The following DTNB variants were observed in gnomAD, a reference collection of about 807,000 sequenced individuals.
The protein encoded by DTNB is dystrobrevin beta, also known as DTN-B.
A neutral mutation model predicts 90.7 loss-of-function variants in DTNB; 63 were observed. That is an observed-to-expected ratio of 0.69 (90% CI 0.57 to 0.86). The LOEUF is 0.86. DTNB is among the 40% of genes least tolerant of loss of function. The pLI, the probability that DTNB is intolerant of heterozygous loss-of-function variation, is 0.00. For missense variants in DTNB, 744 were observed against 807.1 expected (o/e 0.92, Z 0.95); for synonymous variants, 277 against 286.7 (o/e 0.97, Z 0.34).
intron 16 of DTNB, among the ~76,000 whole-genome samples, chr2:25,418,637 T>C (rs1281420151): frequency 6.6e-6 from 1 of 150,670 alleles, no homozygotes; most frequent in Non-Finnish European, 1.5e-5. Flanking sequence ...AGGCGGAGGT[T>C]GCAGTGAGCC....
chr2:25,386,114 T>C, intron 18 of DTNB: 15 of 985,502 alleles, frequency 1.5e-5, no homozygotes, highest in Non-Finnish European at 1.8e-5. Context: ...GAAACAGTGC[T>C]AGAATGGAGA....
intron 9 of DTNB, among the ~76,000 whole-genome samples, chr2:25,491,942 TGAGGTCACA>T (rs1392136559): frequency 2.6e-5 from 4 of 151,956 alleles, no homozygotes; most frequent in African/African-American, 9.7e-5. Flanking sequence ...GTAATGTTTT[TGAGGTCACA>T]GAGCCAAATC....
At chr2:25,489,792 C>T (rs1415698126) in intron 9 of DTNB, among the ~76,000 whole-genome samples, 2 of 151,762 alleles carry the variant, frequency 1.3e-5, no homozygotes, top group Admixed American at 6.6e-5. Context: ...ATTGTTAAAA[C>T]CATCAGAAAA....
chr2:25,569,215 C>A (rs2059468968), intron 8 of DTNB, among the ~76,000 whole-genome samples: 1 of 152,168 alleles, frequency 6.6e-6, no homozygotes, highest in South Asian at 2.1e-4. Flanking sequence ...AGCCAACCCT[C>A]TACCCCATCC....
intron 4 of DTNB, among the ~76,000 whole-genome samples, chr2:25,607,789 A>C (rs555997954): frequency 6.6e-6 from 1 of 152,308 alleles, no homozygotes; most frequent in African/African-American, 2.4e-5. Flanking sequence ...TTTATAGTAC[A>C]TTCATCTTTG....
chr2:25,441,197 G>C (rs924925633), intron 12 of DTNB, among the ~76,000 whole-genome samples: 1 of 152,138 alleles, frequency 6.6e-6, no homozygotes, highest in Non-Finnish European at 1.5e-5. Context: ...AACATCCTAA[G>C]GCAATCTGTA....
chr2:25,561,264 C>A (rs2058220933), intron 8 of DTNB, among the ~76,000 whole-genome samples: 2 of 152,192 alleles, frequency 1.3e-5, no homozygotes, highest in African/African-American at 2.4e-5. Flanking sequence ...CTTGCCACTT[C>A]TCTTCCTTCG....
intron 18 of DTNB, chr2:25,386,252 C>A (rs1194146163): frequency 3.3e-6 from 1 of 305,710 alleles, no homozygotes; most frequent in African/African-American, 2.3e-5. Flanking sequence ...GGGGCTCTGT[C>A]CAGTCCCATG....
chr2:25,541,720 T>C (rs2081299533), intron 8 of DTNB, among the ~76,000 whole-genome samples: 2 of 152,146 alleles, frequency 1.3e-5, no homozygotes, highest in Non-Finnish European at 1.5e-5. Flanking sequence ...GCTATGAACA[T>C]GAGTGTACAA....
chr2:25,403,180 A>G (rs1025952027), intron 16 of DTNB, among the ~76,000 whole-genome samples: 1 of 152,204 alleles, frequency 6.6e-6, no homozygotes, highest in Non-Finnish European at 1.5e-5. Context: ...CAGTGGCGCA[A>G]TCTCGGCTCA....
At chr2:25,608,985 A>G (rs2148526641) in intron 4 of DTNB, among the ~76,000 whole-genome samples, 3 of 152,262 alleles carry the variant, frequency 2.0e-5, no homozygotes, top group Middle Eastern at 6.8e-3. Context: ...CAGCAGAGAT[A>G]ATGATTCTTG....
chr2:25,387,812 G>C lies in DTNB; in HGVS notation c.1735+390C>G, dbSNP rs1462668291. 6.6e-6 allele frequency among the ~76,000 whole-genome samples: 1 copy of C among 152,222 alleles called. No individual in the cohort carries two copies. The highest frequency in any genetic ancestry group is 1.5e-5 in the Non-Finnish European group (1 of 68,036). On this transcript the variant is annotated intron_variant, in intron 17 of 20. Coordinates refer to ENST00000406818, the MANE Select transcript of DTNB (RefSeq NM_021907.5). This position sits in a 1 kb window ranked among gnomAD's most constrained non-coding sequence, Gnocchi z 4.5. Reference sequence around the variant, plus strand: ...ACTGCTGGTCACCAGCTCCCCCGATGACTGTGACAATGGCGTGCATACTGT... The same window carrying C: ...ACTGCTGGTCACCAGCTCCCCCGATCACTGTGACAATGGCGTGCATACTGT...
rs1489333641 is a variant in DTNB at position 25,634,224 on chromosome 2, C to T, written c.148+4790G>A. The stretch of plus-strand genomic sequence containing the variant: ...CCTCTGCCCGGCCAGCCGCCCTGTC[C>T]GGGAGGGAGGTGGGGGGGTCAGCCC... On this transcript the variant is annotated intron_variant, in intron 3 of 20. Transcript: ENST00000406818. 2.0e-3 allele frequency among the ~76,000 whole-genome samples: 229 copies of T among 117,220 alleles called. 3 individuals are homozygous for T. The highest frequency in any genetic ancestry group is 6.2e-3 in the African/African-American group (213 of 34,434). 76.9% of individuals were successfully genotyped at this position (117,220 alleles called of 152,430 possible).
intron 8 of DTNB, among the ~76,000 whole-genome samples, chr2:25,570,422 A>C (rs865870000): frequency 8.2e-6 from 1 of 122,460 alleles, no homozygotes; most frequent in African/African-American, 2.7e-5. Context: ...AAAAAAAAAA[A>C]AAAAAAAAAG....
At position 25,466,526 on chromosome 2, in the gene DTNB, G is replaced by A. The variant is rs114726145; in HGVS notation, c.1080-11032C>T. 8.0e-3 allele frequency among the ~76,000 whole-genome samples: 1,215 copies of A among 152,326 alleles called. 16 individuals are homozygous for A. The highest frequency in any genetic ancestry group is 0.028 in the African/African-American group (1,175 of 41,580). On this transcript the variant is annotated intron_variant, in intron 10 of 20. Coordinates refer to ENST00000406818, the MANE Select transcript of DTNB (RefSeq NM_021907.5). ...CAAAGGGCAGGAGTAAACACCAAGT[G>A]CCGTGTTAGAGAACGCAGGGGAGCT... is the stretch of plus-strand genomic sequence containing the variant.
Position 25,596,127 on chromosome 2 carries a change from C to A in DTNB, c.562G>T (p.Gly188Cys). Residue 188 changes from glycine (G) to cysteine (C), a missense_variant, in exon 6 of 21, where the codon GGT (glycine) becomes TGT (cysteine). Transcript: ENST00000406818. The stretch of plus-strand genomic sequence containing the variant: ...GTGCGGACTGAGTGCTCTGTGTAAC[C>A]AAAAGATGGCCCTTCAAAGACAGCT... ...PTAVFEGPSF[G>C]YTEHSVRTCF... The A allele has an allele frequency of 6.2e-7, 1 of 1,613,212 alleles. No homozygotes were observed. Among genetic ancestry groups the A allele is most frequent in the Non-Finnish European group, 8.5e-7 (1 of 1,179,586 alleles).
At position 25,387,689 on chromosome 2, in the gene DTNB, G is replaced by A. The variant is rs1173098932; in HGVS notation, c.1736-311C>T. Among the ~76,000 whole-genome samples the A allele has an allele frequency of 6.6e-6, 1 of 152,088 alleles. No individual in the cohort carries two copies. Among genetic ancestry groups the A allele is most frequent in the Non-Finnish European group, 1.5e-5 (1 of 68,022 alleles). ...ACCGAGGTCTTCCTCAGCCTTGTGG[G>A]GGTGGGGCTGTACTCTCCACAACCA... On this transcript the variant is annotated intron_variant, in intron 17 of 20. Coordinates refer to ENST00000406818, the MANE Select transcript of DTNB (RefSeq NM_021907.5). The surrounding 1 kb of genome is among the most constrained non-coding windows in gnomAD (Gnocchi z 4.5).
chr2:25,536,691 G>C (rs1423877761), intron 8 of DTNB, among the ~76,000 whole-genome samples: 2 of 152,196 alleles, frequency 1.3e-5, no homozygotes, highest in African/African-American at 4.8e-5. Context: ...AAGAGAGGGA[G>C]ACGGTAGAAA....
intron 12 of DTNB, among the ~76,000 whole-genome samples, chr2:25,447,499 C>CCT (rs2058595339): frequency 1.7e-5 from 2 of 116,028 alleles, no homozygotes; most frequent in African/African-American, 6.5e-5. Context: ...AGCTAGTTAT[C>CCT]TTTTTTTTTT....
Sources: allele counts gnomAD v4.1 joint callset (sites outside exome capture counted in the v4.1 genomes callset), GRCh38; gene constraint gnomAD v4.1.1; non-coding constraint Gnocchi (gnomAD v3.1); transcripts MANE v1.5; gene names NCBI Gene and HGNC (gene_info 2026-07-23, HGNC 2026-07-21).